ZMYM5: variants seen among roughly 807,000 people sequenced by gnomAD.
ZMYM5 encodes the protein zinc finger MYM-type protein 5.
In ZMYM5, 41 loss-of-function variants were observed where a neutral mutation model predicts 61.8. The observed-to-expected ratio is 0.66, with a 90% CI of 0.52 to 0.86. ZMYM5 has a LOEUF of 0.86. Among genes scored for constraint, ZMYM5 ranks in the 40% least tolerant of loss-of-function variants. The pLI is 0.00. For synonymous variants in ZMYM5, 257 were observed against 276.4 expected (o/e 0.93, Z 0.70); for missense variants, 706 against 786.7 (o/e 0.90, Z 1.23).
intron 2 of ZMYM5, among the ~76,000 whole-genome samples, chr13:19,852,749 A>G (rs1442941259): frequency 6.6e-6 from 1 of 152,232 alleles, no homozygotes; most frequent in Admixed American, 6.5e-5. Context: ...CCATGATAGT[A>G]GCTATAATTT....
chr13:19,855,463 C>T (rs558372946), intron 2 of ZMYM5, among the ~76,000 whole-genome samples: 1 of 151,040 alleles, frequency 6.6e-6, no homozygotes, highest in Admixed American at 6.6e-5. Context: ...GGGGTTTCAC[C>T]GTGTTAGCCA....
At chr13:19,826,064 A>G (rs575751317) in intron 7 of ZMYM5, among the ~76,000 whole-genome samples, 40 of 151,112 alleles carry the variant, frequency 2.6e-4, no homozygotes, top group South Asian at 1.3e-3. Context: ...AAAAAAAAAA[A>G]AGAGAGAACA....
In ZMYM5 at chr13:19,848,608, A is replaced by G. The variant is rs1200397407; in HGVS notation, c.586+2747T>C. ...GAGTGCAGTGGAGTGATCTGGGCTC[A>G]CTGCAACCTCTGCCTCCCAGGTTCA... On this transcript the variant is annotated intron_variant, in intron 4 of 7. Coordinates refer to ENST00000337963, the MANE Select transcript of ZMYM5 (RefSeq NM_001142684.2). Among the ~76,000 whole-genome samples, 3 of 151,854 alleles carry G rather than the reference A, an allele frequency of 2.0e-5. No individual in the cohort carries two copies. In the East Asian group the frequency reaches 5.8e-4, roughly 29 times the overall value.
intron 7 of ZMYM5, among the ~76,000 whole-genome samples, chr13:19,827,575 T>C (rs1890972654): frequency 6.6e-6 from 1 of 152,202 alleles, no homozygotes; most frequent in South Asian, 2.1e-4. Flanking sequence ...TTTATTAACA[T>C]TGTTAGATGA....
rs1038782558 is a variant in ZMYM5 at position 19,835,343 on chromosome 13, T to G, written c.1251+134A>C. ...TTACAACAATCTTAGACTTGAATAT[T>G]TGAGATGGGACAAACCAATGACAGA... On this transcript the variant is annotated intron_variant, in intron 7 of 7. Coordinates refer to ENST00000337963, the MANE Select transcript of ZMYM5 (RefSeq NM_001142684.2). 1.9e-5 allele frequency: 12 copies of G among 627,630 alleles called. No homozygotes were observed. In the Admixed American group the frequency reaches 2.5e-4, roughly 13 times the overall value. The allele number at this position is 627,630 out of a possible 1,614,324, so 38.9% of individuals were successfully genotyped here.
chr13:19,834,616 T>C (rs1200804918), intron 7 of ZMYM5, among the ~76,000 whole-genome samples: 2 of 152,172 alleles, frequency 1.3e-5, no homozygotes, highest in African/African-American at 2.4e-5. Flanking sequence ...GTAGAGCAAC[T>C]AGAATTATCA....
chr13:19,826,246 G>A (rs541409605), intron 7 of ZMYM5, among the ~76,000 whole-genome samples: 3 of 152,070 alleles, frequency 2.0e-5, no homozygotes, highest in Non-Finnish European at 4.4e-5. Flanking sequence ...AAACTACTCG[G>A]GAGGCTGAGG....
In ZMYM5 at chr13:19,830,137, T is replaced by C. The variant is rs116643022; in HGVS notation, c.1252-4902A>G. 2.7e-3 allele frequency among the ~76,000 whole-genome samples: 412 copies of C among 152,176 alleles called. 2 individuals carry two copies. Among genetic ancestry groups the C allele is most frequent in the African/African-American group, 9.4e-3 (390 of 41,504 alleles). On this transcript the variant is annotated intron_variant, in intron 7 of 7. Coordinates refer to ENST00000337963, the MANE Select transcript of ZMYM5 (RefSeq NM_001142684.2). ...CCATGGGGACAAAAATCATCCCTGATTGAGAAGCACTGGCTTAGATCAAGA... is the reference window on the plus strand; with the variant it reads ...CCATGGGGACAAAAATCATCCCTGACTGAGAAGCACTGGCTTAGATCAAGA...
intron 4 of ZMYM5, among the ~76,000 whole-genome samples, chr13:19,844,796 T>A (rs553713446): frequency 6.6e-6 from 1 of 152,192 alleles, no homozygotes; most frequent in Non-Finnish European, 1.5e-5. Context: ...AAATTTTTTA[T>A]ATTTTTAGCA....
chr13:19,854,346 T>C (rs1294514626), intron 2 of ZMYM5, among the ~76,000 whole-genome samples: 1 of 152,124 alleles, frequency 6.6e-6, no homozygotes, highest in Non-Finnish European at 1.5e-5. Flanking sequence ...ATTTCCCTGC[T>C]GGGCGTGGTG....
intron 4 of ZMYM5, among the ~76,000 whole-genome samples, chr13:19,847,335 G>T (rs1593891967): frequency 6.6e-6 from 1 of 152,078 alleles, no homozygotes; most frequent in Non-Finnish European, 1.5e-5. Flanking sequence ...TGCATCAAAA[G>T]AAAACTATCC....
Position 19,824,914 on chromosome 13 carries a change from A to G in ZMYM5, c.1573T>C (p.Trp525Arg). 1.5e-6 allele frequency: 2 copies of G among 1,361,448 alleles called. No homozygotes were observed. The highest frequency in any genetic ancestry group is 2.0e-6 in the Non-Finnish European group (2 of 1,018,652). 84.3% of individuals were successfully genotyped at this position (1,361,448 alleles called of 1,614,324 possible). A position where few individuals can be genotyped will look rare whatever the true frequency, so the allele number is the denominator to read the frequency against. ...PVVLSADPGT[W>R]PRILNIKQRD... ...TGTTTAATATTCAAAATTCGGGGCC[A>G]CGTACCTGGATCTGCGGAAAGCACA... Residue 525 changes from tryptophan to arginine, a missense_variant, in exon 8 of 8, where the codon TGG becomes CGG. Trp to Arg is a moderately radical substitution (Grantham distance 101). Around this residue, in one of 2 missense-constraint regions of ZMYM5, gnomAD observed 226 missense variants for 325.0 expected, o/e 0.70. Transcript: ENST00000337963.
At chr13:19,850,566 A>G (rs1953250773) in intron 4 of ZMYM5, among the ~76,000 whole-genome samples, 1 of 152,096 alleles carries the variant, frequency 6.6e-6, no homozygotes, top group South Asian at 2.1e-4. Flanking sequence ...ACGCCATTGC[A>G]CTCCAGCCTG....
intron 7 of ZMYM5, among the ~76,000 whole-genome samples, chr13:19,828,461 G>A (rs1891029671): frequency 6.6e-6 from 1 of 152,118 alleles, no homozygotes; most frequent in Admixed American, 6.6e-5. Context: ...GAGACAGAGT[G>A]AGACTCTGTC....
At chr13:19,830,295 G>A (rs1891136884) in intron 7 of ZMYM5, among the ~76,000 whole-genome samples, 1 of 152,178 alleles carries the variant, frequency 6.6e-6, no homozygotes, top group Non-Finnish European at 1.5e-5. Context: ...TGTGTTTGGG[G>A]TGGAGTGGGG....
chr13:19,858,175 C>A (rs1953579903), intron 2 of ZMYM5, among the ~76,000 whole-genome samples: 1 of 147,352 alleles, frequency 6.8e-6, no homozygotes, highest in South Asian at 2.2e-4. Flanking sequence ...AAAGTCTGGG[C>A]AACAGAGTTA....
chr13:19,831,306 G>C (rs1434078104), intron 7 of ZMYM5, among the ~76,000 whole-genome samples: 1 of 133,866 alleles, frequency 7.5e-6, no homozygotes, highest in Non-Finnish European at 1.7e-5. Flanking sequence ...TTAATTTTTT[G>C]TAGAGATGGG....
Position 19,852,114 on chromosome 13 carries a change from C to A in ZMYM5, c.67G>T (p.Ala23Ser). ...EQTPALLGNM[A>S]MATSLMDIGD... ...ATGTCCATGAGACTAGTTGCCATGG[C>A]CATATTCCCTAATAAAGCAGGAGTC... Residue 23 changes from alanine (A) to serine (S), a missense_variant, in exon 3 of 8, where the codon GCC (alanine) becomes TCC (serine). By Grantham distance (99) the Ala-to-Ser change is moderately conservative. Around this residue, in one of 2 missense-constraint regions of ZMYM5, gnomAD observed 480 missense variants for 461.7 expected, o/e 1.04. Transcript: ENST00000337963. 1 of 1,613,442 alleles carries A rather than the reference C, an allele frequency of 6.2e-7. No individual in the cohort carries two copies. Among genetic ancestry groups the A allele is most frequent in the Middle Eastern group, 1.7e-4 (1 of 6,060 alleles).
intron 4 of ZMYM5, among the ~76,000 whole-genome samples, chr13:19,850,601 C>CAAATAAAT (rs369546833): frequency 4.0e-5 from 6 of 151,088 alleles, no homozygotes; most frequent in East Asian, 1.9e-4. Context: ...AACTCTGTCT[C>CAAATAAAT]AAATAAATAA....
Sources: gnomAD v4.1 joint callset for allele counts (sites outside exome capture counted in the v4.1 genomes callset) on GRCh38, gnomAD v4.1.1 for gene constraint, gnomAD v4.1.1 regional missense constraint, MANE v1.5 for transcripts, NCBI Gene and HGNC (gene_info 2026-07-23, HGNC 2026-07-21) for gene names.